Variants in HMCN2 observed in about 807,000 individuals in gnomAD.
HMCN2 encodes the protein hemicentin-2.
Under a neutral mutation model 377.5 loss-of-function variants are expected in HMCN2, and 325 were observed. The observed-to-expected ratio is 0.86, with a 90% CI of 0.79 to 0.94. The LOEUF (loss-of-function observed/expected upper bound fraction) is 0.94, where lower values mean the gene tolerates loss of function less well. Ranked by LOEUF, HMCN2 falls within the 40% of genes least tolerant of loss-of-function variation. The pLI is 0.00. For missense variants in HMCN2, 4,543 were observed against 4,725.3 expected, an observed-to-expected ratio of 0.96 and a Z score of 1.13; for synonymous variants, 2,007 against 2,046.8, an observed-to-expected ratio of 0.98 and a Z score of 0.53.
At chr9:130,322,038 G>A (rs1368706833) in intron 19 of HMCN2, 107 bp downstream of exon 19, 3 of 142,152 alleles carry the variant, frequency 2.1e-5, no homozygotes, top group African/African-American at 6.3e-5. Context: ...TTAAAAAATC[G>A]TGCAAATCAT....
At position 130,308,026 on chromosome 9, in the gene HMCN2, G is replaced by A. The variant is rs192532406; in HGVS notation, c.2200+460G>A. Among the ~76,000 whole-genome samples the A allele has an allele frequency of 1.5e-4, 23 of 151,834 alleles. No individual in the cohort carries two copies. The highest frequency in any genetic ancestry group is 8.5e-4 in the Admixed American group (13 of 15,246). Reference sequence around the variant, plus strand: ...GGCTGGTGTGCAGTGGTGTAATCTCGGCTCACTGCAGCCTCCACCTCCTGG... The same window carrying A: ...GGCTGGTGTGCAGTGGTGTAATCTCAGCTCACTGCAGCCTCCACCTCCTGG... On this transcript the variant is annotated intron_variant, in intron 14 of 97. Coordinates refer to ENST00000683500, the MANE Select transcript of HMCN2 (RefSeq NM_001291815.2). This position sits in a 1 kb window ranked among gnomAD's most constrained non-coding sequence, Gnocchi z 4.1.
Position 130,361,764 on chromosome 9 carries a change from C to A in HMCN2, c.5951-244C>A, listed in dbSNP as rs79591556. ...CGAGTGCTGCTTCCTGGGTGGTCAG[C>A]CTTGGGCAGGTGACTTCCCCTCTGT... On this transcript the variant is annotated intron_variant, in intron 38 of 97. Transcript: ENST00000683500. The surrounding 1 kb of genome is among the most constrained non-coding windows in gnomAD (Gnocchi z 4.8). Among the ~76,000 whole-genome samples, 1 of 152,162 alleles carries A rather than the reference C, an allele frequency of 6.6e-6. No individual in the cohort carries two copies. Among genetic ancestry groups the A allele is most frequent in the Admixed American group, 6.5e-5 (1 of 15,286 alleles).
chr9:130,350,766 G>T (rs2131521706), intron 29 of HMCN2, among the ~76,000 whole-genome samples: 1 of 151,390 alleles, frequency 6.6e-6, no homozygotes, highest in African/African-American at 2.4e-5. Flanking sequence ...CATGGTGGCG[G>T]TAGTCTGTAG....
At chr9:130,341,792 TG>T (rs1352995294) in intron 24 of HMCN2, among the ~76,000 whole-genome samples, 1 of 152,050 alleles carries the variant, frequency 6.6e-6, no homozygotes, top group South Asian at 2.1e-4. Context: ...CAATAGTATG[TG>T]GGGGGTCCAT....
chr9:130,390,864 C>T, intron 62 of HMCN2, 113 bp from the exon 63 acceptor site: 1 of 669,208 alleles, frequency 1.5e-6, no homozygotes, highest in South Asian at 6.6e-5. Context: ...GGAACAGAGA[C>T]TGGGCTGGGG....
Position 130,391,431 on chromosome 9 carries a change from C to T in HMCN2, c.9828-19C>T. ...TGTTCCCTTACGCCTCTGCCCTGGG[C>T]CCTCCTTCCCTGTGGCAGGTTCTAC... On this transcript the variant is annotated intron_variant, in intron 64 of 97. Transcript: ENST00000683500. 2 of 987,902 alleles carry T rather than the reference C, an allele frequency of 2.0e-6. No homozygotes were observed. Among genetic ancestry groups the T allele is most frequent in the Non-Finnish European group, 2.4e-6 (2 of 830,182 alleles). 61.2% of individuals were successfully genotyped at this position (987,902 alleles called of 1,614,324 possible). A position where few individuals can be genotyped will look rare whatever the true frequency, so the allele number is the denominator to read the frequency against.
chr9:130,310,966 G>A (rs1255237127), intron 15 of HMCN2, among the ~76,000 whole-genome samples: 1 of 152,172 alleles, frequency 6.6e-6, no homozygotes, highest in African/African-American at 2.4e-5. Flanking sequence ...GTAAATGCGG[G>A]GAGAGGGGTG....
At chr9:130,399,743 C>A in intron 76 of HMCN2, 111 bp downstream of exon 76, 1 of 723,748 alleles carries the variant, frequency 1.4e-6, no homozygotes, top group Non-Finnish European at 1.9e-6. Context: ...CTGTGCTGCA[C>A]TGGACACCTC....
In HMCN2 at chr9:130,432,448, G is replaced by A; in HGVS notation, c.14787G>A (p.Glu4929=). The change falls in exon 97 of 98, where the codon GAG becomes GAA. Residue 4929 remains glutamate, a synonymous_variant. Transcript: ENST00000683500. ...KNCQDINECE[E]ESIECGPGQM... is the part of the protein sequence containing the mutation. Reference sequence around the variant, plus strand: ...ATCCAGACATCAACGAGTGCGAGGAGGAGAGCATCGAGTGTGGACCCGGCC... The same window carrying A: ...ATCCAGACATCAACGAGTGCGAGGAAGAGAGCATCGAGTGTGGACCCGGCC... 3 of 1,551,086 alleles carry A rather than the reference G, an allele frequency of 1.9e-6. No homozygotes were observed. In the South Asian group the frequency reaches 3.6e-5, roughly 18 times the overall value.
In HMCN2 at chr9:130,296,668, C is replaced by T. The variant is rs146378698; in HGVS notation, c.892-6C>T. The T allele has an allele frequency of 7.9e-5, 37 of 470,904 alleles. No individual in the cohort carries two copies. The highest frequency in any genetic ancestry group is 3.3e-4 in the Middle Eastern group (1 of 3,076). The allele number at this position is 470,904 out of a possible 1,614,324, so 29.2% of individuals were successfully genotyped here. A position where few individuals can be genotyped will look rare whatever the true frequency, so the allele number is the denominator to read the frequency against. The stretch of plus-strand genomic sequence containing the variant: ...TCTGGTGATGTGAGACCTGGGCCTG[C>T]GCTAGGTCTATAGCAGTGGCCGCCA... On this transcript the variant is annotated splice_polypyrimidine_tract_variant and splice_region_variant and intron_variant, in intron 6 of 97. Transcript: ENST00000683500.
intron 79 of HMCN2, 24 bp from the exon 80 acceptor site, chr9:130,403,717 C>T (rs2131724973): frequency 7.8e-7 from 1 of 1,287,174 alleles, no homozygotes; most frequent in Non-Finnish European, 1.0e-6. Context: ...TCCCAGGCCC[C>T]CGATTTTCTT....
chr9:130,405,223 G>A (rs1843036468), intron 81 of HMCN2, among the ~76,000 whole-genome samples, 164 bp downstream of exon 81: 1 of 152,232 alleles, frequency 6.6e-6, no homozygotes. Context: ...AGTGTACCTA[G>A]TTGTCCACCA....
intron 1 of HMCN2, among the ~76,000 whole-genome samples, chr9:130,280,100 G>A (rs139291825): frequency 1.6e-3 from 235 of 151,396 alleles, no homozygotes; most frequent in African/African-American, 5.4e-3. Context: ...ATGCAGCCCT[G>A]CTGACACTTG....
At chr9:130,302,667 A>G (rs1285204586) in intron 8 of HMCN2, among the ~76,000 whole-genome samples, 190 bp from the exon 9 acceptor site, 2 of 152,190 alleles carry the variant, frequency 1.3e-5, no homozygotes, top group African/African-American at 2.4e-5. Context: ...CCTCAGGACA[A>G]CAGGACGAGG....
intron 82 of HMCN2, 168 bp downstream of exon 82, chr9:130,406,336 A>G: frequency 2.2e-6 from 1 of 447,126 alleles, no homozygotes; most frequent in South Asian, 1.9e-5. Context: ...GGGCAAACCC[A>G]GCTGTGGCCA....
At position 130,400,858 on chromosome 9, in the gene HMCN2, G is replaced by A. The variant is rs1307186154; in HGVS notation, c.11681G>A (p.Ser3894Asn). ...MMAPVVLTCH[S>N]TGIPAPTVSW... ...GCACCTGTGGTCCTCACATGTCACA[G>A]CACGGGTATACCAGCTCCGACCGTG... The change falls in exon 77 of 98, where the codon AGC becomes AAC. Residue 3894 changes from serine (S) to asparagine (N), a missense_variant. Transcript: ENST00000683500. 1 of 1,289,648 alleles carries A rather than the reference G, an allele frequency of 7.8e-7. No individual in the cohort carries two copies. The highest frequency in any genetic ancestry group is 1.0e-6 in the Non-Finnish European group (1 of 988,786). The allele number at this position is 1,289,648 out of a possible 1,614,324, so 79.9% of individuals were successfully genotyped here. A position where few individuals can be genotyped will look rare whatever the true frequency, so the allele number is the denominator to read the frequency against.
intron 48 of HMCN2, among the ~76,000 whole-genome samples, chr9:130,373,702 T>C (rs1432005792): frequency 4.0e-5 from 2 of 49,606 alleles, no homozygotes; most frequent in Non-Finnish European, 1.5e-4. Context: ...GATGGATGGA[T>C]AGGTAGATGG....
chr9:130,347,967 G>C lies in HMCN2; in HGVS notation c.4025-578G>C. The C allele has an allele frequency of 1.0e-6, 1 of 985,016 alleles. No homozygotes were observed. The highest frequency in any genetic ancestry group is 1.2e-6 in the Non-Finnish European group (1 of 829,592). 61.0% of individuals were successfully genotyped at this position (985,016 alleles called of 1,614,324 possible). A position where few individuals can be genotyped will look rare whatever the true frequency, so the allele number is the denominator to read the frequency against. ...GTCTCTTCTCACATTCTTGTCCTCA[G>C]CAGGGAGAGCGCCCACCCCCACATC... On this transcript the variant is annotated intron_variant, in intron 26 of 97. Coordinates refer to ENST00000683500, the MANE Select transcript of HMCN2 (RefSeq NM_001291815.2). This position sits in a 1 kb window ranked among gnomAD's most constrained non-coding sequence, Gnocchi z 5.1.
At position 130,380,276 on chromosome 9, in the gene HMCN2, G is replaced by A. The variant is rs562311433; in HGVS notation, c.8431+809G>A. Among the ~76,000 whole-genome samples the A allele has an allele frequency of 1.1e-3, 167 of 152,218 alleles. 2 individuals carry two copies. The highest frequency in any genetic ancestry group is 3.4e-3 in the Middle Eastern group (1 of 294). ...ACCTTTTATTTTAGAATAATTTTTTGTAGGTGATTTTGACTTAAAAGGCTC... is the reference window on the plus strand; with the variant it reads ...ACCTTTTATTTTAGAATAATTTTTTATAGGTGATTTTGACTTAAAAGGCTC... On this transcript the variant is annotated intron_variant, in intron 54 of 97. Coordinates refer to ENST00000683500, the MANE Select transcript of HMCN2 (RefSeq NM_001291815.2).
Sources: gnomAD v4.1 joint callset for allele counts (sites outside exome capture counted in the v4.1 genomes callset) on GRCh38, gnomAD v4.1.1 for gene constraint, Gnocchi (gnomAD v3.1) non-coding constraint, MANE v1.5 for transcripts, NCBI Gene and HGNC (gene_info 2026-07-23, HGNC 2026-07-21) for gene names.